Variants in ESRRB observed in about 807,000 individuals in gnomAD.
ESRRB encodes steroid hormone receptor ERR2.
Under a neutral mutation model 46.0 loss-of-function variants are expected in ESRRB, and 16 were observed. The ratio of observed to expected loss-of-function variants is 0.35; its 90% CI spans 0.24 to 0.53. ESRRB has a LOEUF of 0.53. ESRRB is among the 20% of genes least tolerant of loss of function. ESRRB has a pLI of 0.93. For synonymous variants in ESRRB, 246 were observed against 259.6 expected (o/e 0.95, Z 0.50); for missense variants, 488 against 607.4 (o/e 0.80, Z 2.07).
At chr14:76,431,778 A>G (rs1291014148) in intron 1 of ESRRB, among the ~76,000 whole-genome samples, 1 of 152,162 alleles carries the variant, frequency 6.6e-6, no homozygotes, top group South Asian at 2.1e-4. Flanking sequence ...AAGAGTCAAT[A>G]GTTATCGATC....
intron 1 of ESRRB, among the ~76,000 whole-genome samples, chr14:76,377,489 C>CA (rs984366379): frequency 1.3e-5 from 2 of 152,128 alleles, no homozygotes; most frequent in African/African-American, 4.8e-5. Flanking sequence ...TGTGCGCGTG[C>CA]AAAGTGGTCC....
At chr14:76,419,976 G>A (rs776595029) in intron 1 of ESRRB, among the ~76,000 whole-genome samples, 2 of 152,146 alleles carry the variant, frequency 1.3e-5, no homozygotes, top group Non-Finnish European at 2.9e-5. Flanking sequence ...GTTCGGCTAG[G>A]GGTCTGACTC....
chr14:76,412,245 C>T (rs1027320153), intron 1 of ESRRB, among the ~76,000 whole-genome samples: 3 of 152,178 alleles, frequency 2.0e-5, no homozygotes, highest in Non-Finnish European at 2.9e-5. Context: ...CCAAGCTGTT[C>T]GCAGGGTTTG....
chr14:76,470,978 C>A (rs556357736), intron 3 of ESRRB, among the ~76,000 whole-genome samples: 1 of 152,214 alleles, frequency 6.6e-6, no homozygotes, highest in Non-Finnish European at 1.5e-5. Flanking sequence ...TATTTTAGAC[C>A]TGAATATCTA....
intron 1 of ESRRB, among the ~76,000 whole-genome samples, chr14:76,384,259 T>C (rs1038567826): frequency 2.0e-5 from 3 of 152,190 alleles, no homozygotes; most frequent in African/African-American, 7.2e-5. Context: ...AACACTGCTT[T>C]TACAGAAATA....
Position 76,432,661 on chromosome 14 carries a change from TTC to T in ESRRB, c.51-6670_51-6669del, listed in dbSNP as rs1213068779. ...CTCTCACTCTTACTGAATAAGCTATTTCTCTCTCTCTTTTTTTTTTTTTTTTT... is the reference window on the plus strand; with the variant it reads ...CTCTCACTCTTACTGAATAAGCTATTTCTCTCTCTTTTTTTTTTTTTTTTT... On this transcript the variant is annotated intron_variant, in intron 1 of 6. Coordinates refer to ENST00000644823, the MANE Select transcript of ESRRB (RefSeq NM_001379180.1). 5.8e-5 allele frequency among the ~76,000 whole-genome samples: 8 copies of T among 137,642 alleles called. 1 individual carries two copies. Among genetic ancestry groups the T allele is most frequent in the African/African-American group, 2.5e-4 (8 of 32,132 alleles). 90.3% of individuals were successfully genotyped at this position (137,642 alleles called of 152,430 possible). A position where few individuals can be genotyped will look rare whatever the true frequency, so the allele number is the denominator to read the frequency against.
chr14:76,468,263 C>A (rs1249779451), intron 3 of ESRRB, among the ~76,000 whole-genome samples: 1 of 152,024 alleles, frequency 6.6e-6, no homozygotes. Context: ...TTTTTCTTTT[C>A]CAAAATATAT....
intron 3 of ESRRB, among the ~76,000 whole-genome samples, chr14:76,480,979 G>T (rs1393730624): frequency 6.6e-6 from 1 of 152,220 alleles, no homozygotes; most frequent in African/African-American, 2.4e-5. Flanking sequence ...GAGCTGTTCA[G>T]TGAGCTCAAG....
At chr14:76,345,994 C>T (rs911816943) in intron 1 of ESRRB, among the ~76,000 whole-genome samples, 1 of 152,026 alleles carries the variant, frequency 6.6e-6, no homozygotes, top group African/African-American at 2.4e-5. Context: ...AAGGTGCTGG[C>T]AGGGCCATTT....
chr14:76,378,320 C>T lies in ESRRB; in HGVS notation c.50+1869C>T, dbSNP rs533215590. 1.5e-4 allele frequency among the ~76,000 whole-genome samples: 23 copies of T among 152,194 alleles called. 1 individual carries two copies. In the South Asian group the frequency reaches 4.6e-3, roughly 30 times the overall value. On this transcript the variant is annotated intron_variant, in intron 1 of 6. Coordinates refer to ENST00000644823, the MANE Select transcript of ESRRB (RefSeq NM_001379180.1). Reference sequence around the variant, plus strand: ...AGGCTTTAACAGCTGGGTAATTCATCGAGTTGACGGCAGCCCTGACTGGAG... The same window carrying T: ...AGGCTTTAACAGCTGGGTAATTCATTGAGTTGACGGCAGCCCTGACTGGAG...
chr14:76,324,028 G>A (rs529491429), intron 1 of ESRRB, among the ~76,000 whole-genome samples: 1 of 152,306 alleles, frequency 6.6e-6, no homozygotes, highest in African/African-American at 2.4e-5. Flanking sequence ...AGAGGTAGGG[G>A]AGGAGACTAA....
In ESRRB at chr14:76,482,877, T is replaced by C; in HGVS notation, c.850+118T>C. ...CCTGGACCCCAGAAGGCCTGTGAAA[T>C]CCTGGCAGGCCTGTTTCTCTGAGCT... On this transcript the variant is annotated intron_variant, in intron 5 of 6. Coordinates refer to ENST00000644823, the MANE Select transcript of ESRRB (RefSeq NM_001379180.1). This position sits in a 1 kb window ranked among gnomAD's most constrained non-coding sequence, Gnocchi z 4.3. 1.6e-6 allele frequency: 2 copies of C among 1,234,196 alleles called. No homozygotes were observed. Among genetic ancestry groups the C allele is most frequent in the Non-Finnish European group, 2.3e-6 (2 of 852,790 alleles). The allele number at this position is 1,234,196 out of a possible 1,614,324, so 76.5% of individuals were successfully genotyped here. A position where few individuals can be genotyped will look rare whatever the true frequency, so the allele number is the denominator to read the frequency against.
chr14:76,459,700 T>C (rs113384954), intron 2 of ESRRB, among the ~76,000 whole-genome samples: 52 of 152,292 alleles, frequency 3.4e-4, no homozygotes, highest in African/African-American at 1.1e-3. Flanking sequence ...ATATTGAAAT[T>C]ATTCCCCAAG....
chr14:76,332,076 A>G (rs1002402746), intron 1 of ESRRB, among the ~76,000 whole-genome samples: 1 of 151,870 alleles, frequency 6.6e-6, no homozygotes, highest in Non-Finnish European at 1.5e-5. Context: ...TTTATGAAGC[A>G]TTTATTATGT....
At chr14:76,434,614 C>T (rs1425158295) in intron 1 of ESRRB, among the ~76,000 whole-genome samples, 2 of 150,816 alleles carry the variant, frequency 1.3e-5, no homozygotes, top group Non-Finnish European at 2.9e-5. Flanking sequence ...GAGCCAAGAT[C>T]GCACACCTGC....
chr14:76,393,967 A>ATTTTTTTTTTTTTTTTTTT (rs71122531), intron 1 of ESRRB, among the ~76,000 whole-genome samples: 27 of 126,958 alleles, frequency 2.1e-4, no homozygotes, highest in Non-Finnish European at 3.6e-4. Flanking sequence ...TGCCTGGCTA[A>ATTTTTTTTTTTTTTTTTTT]TTTTTTTTTT....
At chr14:76,440,378 A>G (rs1285461189) in intron 2 of ESRRB, among the ~76,000 whole-genome samples, 1 of 152,076 alleles carries the variant, frequency 6.6e-6, no homozygotes, top group Admixed American at 6.6e-5. Flanking sequence ...GGCTGCAGTG[A>G]CCTGTGATGG....
chr14:76,438,217 G>A (rs1887758033), intron 1 of ESRRB, among the ~76,000 whole-genome samples: 1 of 152,146 alleles, frequency 6.6e-6, no homozygotes, highest in African/African-American at 2.4e-5. Flanking sequence ...CAATCTGGCT[G>A]GTACCTTTGC....
chr14:76,377,053 C>T (rs550633108), intron 1 of ESRRB, among the ~76,000 whole-genome samples: 3 of 152,212 alleles, frequency 2.0e-5, no homozygotes, highest in Non-Finnish European at 1.5e-5. Flanking sequence ...GCGGGCCCAG[C>T]GCTGCGTCGT....
Sources: allele counts gnomAD v4.1 joint callset (sites outside exome capture counted in the v4.1 genomes callset), GRCh38; gene constraint gnomAD v4.1.1; non-coding constraint Gnocchi (gnomAD v3.1); transcripts MANE v1.5; gene names NCBI Gene and HGNC (gene_info 2026-07-23, HGNC 2026-07-21).